Variants in DENND2A observed in about 807,000 individuals in gnomAD.
DENND2A encodes the protein DENN domain-containing protein 2A.
In DENND2A, 53 loss-of-function variants were observed where a neutral mutation model predicts 105.3. The observed-to-expected ratio is 0.50, with a 90% CI of 0.40 to 0.63. The LOEUF is 0.63. DENND2A is among the 30% of genes least tolerant of loss of function. The pLI is 0.00. For synonymous variants in DENND2A, 522 were observed against 508.4 expected, an observed-to-expected ratio of 1.03 and a Z score of -0.36; for missense variants, 1,138 against 1,279.6, an observed-to-expected ratio of 0.89 and a Z score of 1.69.
At chr7:140,583,758 C>T (rs1413202563) in intron 5 of DENND2A, among the ~76,000 whole-genome samples, 3 of 148,446 alleles carry the variant, frequency 2.0e-5, no homozygotes, top group Non-Finnish European at 4.4e-5. Flanking sequence ...AACCCCGTCT[C>T]TACTAAAAAT....
intron 1 of DENND2A, among the ~76,000 whole-genome samples, chr7:140,634,188 C>T (rs1264977383): frequency 1.3e-5 from 2 of 151,782 alleles, no homozygotes; most frequent in Non-Finnish European, 2.9e-5. Flanking sequence ...TTAGTAGAGA[C>T]GGGGTTTCAC....
chr7:140,573,916 A>C lies in DENND2A; in HGVS notation c.1338T>G (p.Thr446=). The C allele has an allele frequency of 6.2e-7, 1 of 1,614,192 alleles. No individual in the cohort carries two copies. The highest frequency in any genetic ancestry group is 1.7e-5 in the Admixed American group (1 of 60,010). ...GAGGGCTGATTTTGGAAGGGGACCCAGTTCCATCCCGACTCAGCTTCCTAG... is the reference window on the plus strand; with the variant it reads ...GAGGGCTGATTTTGGAAGGGGACCCCGTTCCATCCCGACTCAGCTTCCTAG... ...LDTRKLSRDG[T]GSPSKISPPS... The change falls in exon 6 of 20, where the codon ACT becomes ACG. Residue 446 remains threonine, a synonymous_variant. Coordinates refer to ENST00000496613, the MANE Select transcript of DENND2A (RefSeq NM_015689.5).
At chr7:140,531,081 G>GA (rs1363760497) in intron 14 of DENND2A, among the ~76,000 whole-genome samples, 2 of 152,188 alleles carry the variant, frequency 1.3e-5, no homozygotes, top group Non-Finnish European at 2.9e-5. Flanking sequence ...TGTCAAAGCA[G>GA]AGATACCTTT....
Position 140,523,468 on chromosome 7 carries a change from G to T in DENND2A, c.2548-44C>A. 6.4e-7 allele frequency: 1 copy of T among 1,570,640 alleles called. No homozygotes were observed. The highest frequency in any genetic ancestry group is 8.8e-7 in the Non-Finnish European group (1 of 1,142,348). On this transcript the variant is annotated intron_variant, in intron 16 of 19. Transcript: ENST00000496613. This position sits in a 1 kb window ranked among gnomAD's most constrained non-coding sequence, Gnocchi z 4.5. The stretch of plus-strand genomic sequence containing the variant: ...AGGTGGGCTTATGGGCACGGTGGCT[G>T]CGTCTTGGCCATAGGACACACTGGA...
In DENND2A at chr7:140,617,370, G is replaced by A. The variant is rs528312388; in HGVS notation, c.-247-11564C>T. 7.2e-5 allele frequency among the ~76,000 whole-genome samples: 11 copies of A among 152,272 alleles called. No homozygotes were observed. The East Asian group carries it at 7.7e-4, about 11-fold the overall frequency. On this transcript the variant is annotated intron_variant, in intron 1 of 19. Transcript: ENST00000496613. ...AGGCCTCAGGACCAGGAGCATCAACGGAGTAATTTCAGGAATTTCTGTCCT... is the reference window on the plus strand; with the variant it reads ...AGGCCTCAGGACCAGGAGCATCAACAGAGTAATTTCAGGAATTTCTGTCCT...
intron 3 of DENND2A, among the ~76,000 whole-genome samples, chr7:140,588,408 T>C (rs2130652064): frequency 6.6e-6 from 1 of 152,304 alleles, no homozygotes; most frequent in South Asian, 2.1e-4. Context: ...AGACAGGGAC[T>C]GTCTATACTA....
At chr7:140,576,027 GAT>G (rs202205552) in intron 5 of DENND2A, among the ~76,000 whole-genome samples, 153 of 147,596 alleles carry the variant, frequency 1.0e-3, no homozygotes, top group Admixed American at 2.1e-3. Context: ...GGTTCTTTCA[GAT>G]ATATATATAT....
chr7:140,520,779 G>A (rs1259203295), intron 18 of DENND2A, among the ~76,000 whole-genome samples: 2 of 150,332 alleles, frequency 1.3e-5, no homozygotes, highest in African/African-American at 2.4e-5. Context: ...GGTTGGTCTC[G>A]AACTCCTGAC....
At chr7:140,556,787 C>T (rs1797382173) in intron 11 of DENND2A, among the ~76,000 whole-genome samples, 1 of 152,132 alleles carries the variant, frequency 6.6e-6, no homozygotes, top group African/African-American at 2.4e-5. Context: ...ATACTTGACC[C>T]TAAAGTTTTT....
intron 1 of DENND2A, among the ~76,000 whole-genome samples, chr7:140,639,646 A>C (rs922384718): frequency 3.0e-4 from 45 of 152,226 alleles, no homozygotes; most frequent in Non-Finnish European, 5.4e-4. Flanking sequence ...TAGCACGCCT[A>C]TTACAACTCT....
rs181145172 is a variant in DENND2A, at chr7:140,568,943, G to A, written c.1541-130C>T. ...TGTTGAGTTGCCTCTTTTTTTTTTT[G>A]AGATGGAGTCTTGCTCTGTCACCCA... On this transcript the variant is annotated intron_variant, in intron 7 of 19. Coordinates refer to ENST00000496613, the MANE Select transcript of DENND2A (RefSeq NM_015689.5). 870 of 788,250 alleles carry A rather than the reference G, an allele frequency of 1.1e-3. 6 individuals are homozygous for A. In the African/African-American group the frequency reaches 0.014, roughly 12 times the overall value. 48.8% of individuals were successfully genotyped at this position (788,250 alleles called of 1,614,324 possible).
At chr7:140,547,110 C>T (rs1391938079) in intron 12 of DENND2A, among the ~76,000 whole-genome samples, 171 bp from the exon 13 acceptor site, 1 of 152,208 alleles carries the variant, frequency 6.6e-6, no homozygotes, top group Non-Finnish European at 1.5e-5. Context: ...GTCCCCAATT[C>T]TTCTCTCCTC....
Position 140,559,991 on chromosome 7 carries a change from A to G in DENND2A, c.1780-174T>C, listed in dbSNP as rs576289320. Among the ~76,000 whole-genome samples the G allele has an allele frequency of 9.1e-4, 139 of 152,214 alleles. No homozygotes were observed. Among genetic ancestry groups the G allele is most frequent in the Middle Eastern group, 3.4e-3 (1 of 292 alleles). On this transcript the variant is annotated intron_variant, in intron 9 of 19. Coordinates refer to ENST00000496613, the MANE Select transcript of DENND2A (RefSeq NM_015689.5). The surrounding 1 kb of genome is among the most constrained non-coding windows in gnomAD (Gnocchi z 4.1). ...GGCTGGGGCATTTTCCCCCCAGTGC[A>G]CTTCCAACTATAGACCTCTGGGAGA...
chr7:140,575,176 TA>T (rs1307000367), intron 5 of DENND2A, among the ~76,000 whole-genome samples: 1 of 151,830 alleles, frequency 6.6e-6, no homozygotes, highest in African/African-American at 2.4e-5. Flanking sequence ...GCAGGCAAAA[TA>T]ATGGAAAATT....
At chr7:140,524,696 C>T (rs1795989297) in intron 16 of DENND2A, among the ~76,000 whole-genome samples, 2 of 152,080 alleles carry the variant, frequency 1.3e-5, no homozygotes, top group South Asian at 4.1e-4. Context: ...CTGCCTCAGC[C>T]TCCTGCGTAG....
chr7:140,552,151 A>C (rs1034597295), intron 12 of DENND2A, among the ~76,000 whole-genome samples: 1 of 152,180 alleles, frequency 6.6e-6, no homozygotes, highest in African/African-American at 2.4e-5. Context: ...AACAAATCAC[A>C]TGAAAGCCTG....
chr7:140,604,389 T>TTTATTTAA (rs1799621021), intron 2 of DENND2A, among the ~76,000 whole-genome samples: 1 of 152,278 alleles, frequency 6.6e-6, no homozygotes, highest in Non-Finnish European at 1.5e-5. Flanking sequence ...TAAATATGGC[T>TTTATTTAA]ATCAAGGCAG....
chr7:140,594,648 C>T (rs551769333), intron 3 of DENND2A, among the ~76,000 whole-genome samples: 5 of 152,328 alleles, frequency 3.3e-5, no homozygotes, highest in Admixed American at 6.5e-5. Context: ...GTCTATCTCG[C>T]TCATTATTAC....
chr7:140,595,926 C>T (rs887899683), intron 3 of DENND2A, among the ~76,000 whole-genome samples: 1 of 152,138 alleles, frequency 6.6e-6, no homozygotes, highest in African/African-American at 2.4e-5. Flanking sequence ...GGCAGCTCTT[C>T]CCCATGGCTC....
Sources: allele counts gnomAD v4.1 joint callset (sites outside exome capture counted in the v4.1 genomes callset), GRCh38; gene constraint gnomAD v4.1.1; non-coding constraint Gnocchi (gnomAD v3.1); transcripts MANE v1.5; gene names NCBI Gene and HGNC (gene_info 2026-07-23, HGNC 2026-07-21).